AK7: variants seen among roughly 807,000 people sequenced by gnomAD.
AK7 encodes adenylate kinase 7, also known as ATP-AMP transphosphorylase 7.
A neutral mutation model predicts 96.6 loss-of-function variants in AK7; 78 were observed. The ratio of observed to expected loss-of-function variants is 0.81; its 90% CI spans 0.67 to 0.97. The LOEUF (loss-of-function observed/expected upper bound fraction) is 0.97, where lower values mean the gene tolerates loss of function less well. Among genes scored for constraint, AK7 ranks in the 50% least tolerant of loss-of-function variants. AK7 has a pLI of 0.00. For missense variants in AK7, 855 were observed against 887.9 expected (o/e 0.96, Z 0.47); for synonymous variants, 302 against 317.2 (o/e 0.95, Z 0.51).
Position 96,478,559 on chromosome 14 carries a change from A to G in AK7, c.1650A>G (p.Gln550=). The change falls in exon 15 of 18, where the codon CAA becomes CAG. Residue 550 remains glutamine (Q), a synonymous_variant. Transcript: ENST00000267584. The part of the protein sequence containing the change: ...ESIVAGTHYS[Q]DRFLRALSNY... ...TCGTGGCGGGGACCCACTACAGCCA[A>G]GACCGATTCCTCCGGGCTCTGAGCA... 1 of 1,613,194 alleles carries G rather than the reference A, an allele frequency of 6.2e-7. No homozygotes were observed.
At chr14:96,466,212 A>G (rs1295868314) in intron 12 of AK7, among the ~76,000 whole-genome samples, 1 of 150,516 alleles carries the variant, frequency 6.6e-6, no homozygotes, top group Admixed American at 6.6e-5. Flanking sequence ...ATGCCTGGCT[A>G]ATGTTTTTAA....
chr14:96,401,167 A>G (rs1890387196), intron 2 of AK7, among the ~76,000 whole-genome samples: 1 of 152,112 alleles, frequency 6.6e-6, no homozygotes, highest in Non-Finnish European at 1.5e-5. Flanking sequence ...CACCCTAATG[A>G]TCCACAGATG....
chr14:96,415,785 A>ATACATTAATTAATTAAATTAATTTAC (rs1891308628), intron 4 of AK7, among the ~76,000 whole-genome samples: 1 of 149,476 alleles, frequency 6.7e-6, no homozygotes, highest in South Asian at 2.1e-4. Flanking sequence ...AATTAATTTA[A>ATACATTAATTAATTAAATTAATTTAC]TACATTAATT....
intron 11 of AK7, among the ~76,000 whole-genome samples, chr14:96,457,249 C>T (rs1331032344): frequency 2.0e-5 from 3 of 151,584 alleles, no homozygotes; most frequent in East Asian, 3.9e-4. Context: ...TTAGTAGAGA[C>T]GGGGTTTCAC....
At chr14:96,449,057 G>A (rs917222792) in intron 8 of AK7, among the ~76,000 whole-genome samples, 1 of 152,046 alleles carries the variant, frequency 6.6e-6, no homozygotes, top group African/African-American at 2.4e-5. Context: ...TTCTCCGTGC[G>A]TCCTCACATG....
chr14:96,458,101 A>C lies in AK7; in HGVS notation c.1246A>C (p.Asn416His). ...TATGCAGGAGGCGATTGTTGCCCCT[A>C]ACGATGTAGGGGAAGGAGAAGAAGA... ...IAKLEAIVAP[N>H]DVGEGEEEVE... Residue 416 changes from asparagine (N) to histidine (H), a missense_variant, in exon 12 of 18, where the codon AAC becomes CAC. Coordinates refer to ENST00000267584, the MANE Select transcript of AK7 (RefSeq NM_152327.5). The C allele has an allele frequency of 6.2e-7, 1 of 1,613,594 alleles. No homozygotes were observed.
intron 5 of AK7, among the ~76,000 whole-genome samples, chr14:96,437,401 T>C (rs912485880): frequency 3.3e-5 from 5 of 152,288 alleles, no homozygotes; most frequent in African/African-American, 1.2e-4. Context: ...GTTCTTACAG[T>C]GCCTAAACTG....
intron 3 of AK7, among the ~76,000 whole-genome samples, chr14:96,405,339 T>C (rs1047161880): frequency 2.6e-5 from 4 of 151,838 alleles, no homozygotes; most frequent in African/African-American, 9.7e-5. Context: ...TGTGCCACCA[T>C]ACCCCAGCTA....
chr14:96,483,098 A>G lies in AK7; in HGVS notation c.1853A>G (p.Lys618Arg). The G allele has an allele frequency of 6.2e-7, 1 of 1,614,236 alleles. No homozygotes were observed. The highest frequency in any genetic ancestry group is 8.5e-7 in the Non-Finnish European group (1 of 1,180,052). Residue 618 changes from lysine to arginine, a missense_variant, in exon 16 of 18, where the codon AAG becomes AGG. Physicochemically the swap from Lys to Arg is conservative, Grantham distance 26 (BLOSUM62 2). Coordinates refer to ENST00000267584, the MANE Select transcript of AK7 (RefSeq NM_152327.5). ...AATTATGGTTTAACAGACGAAGAAA[A>G]GGCAGAAGAGGAGCGGAAGGCTGCG... ...PRNYGLTDEE[K>R]AEEERKAAEE...
Position 96,442,777 on chromosome 14 carries a change from A to G in AK7, c.738A>G (p.Gly246=), listed in dbSNP as rs1171804222. 2.5e-6 allele frequency: 4 copies of G among 1,614,098 alleles called. No individual in the cohort carries two copies. The highest frequency in any genetic ancestry group is 1.3e-5 in the African/African-American group (1 of 74,940). ...CTGCATTACCAGTTTTTGGCGATGG[A>G]ACAAATGTAATTCCAACAATCCATG... is the stretch of plus-strand genomic sequence containing the variant. The part of the protein sequence containing the change: ...EIPALPVFGD[G]TNVIPTIHVL... The change falls in exon 7 of 18, where the codon GGA becomes GGG. Residue 246 remains glycine (G), a synonymous_variant. Coordinates refer to ENST00000267584, the MANE Select transcript of AK7 (RefSeq NM_152327.5).
At chr14:96,446,164 A>G (rs1893219299) in intron 7 of AK7, among the ~76,000 whole-genome samples, 1 of 146,330 alleles carries the variant, frequency 6.8e-6, no homozygotes, top group Non-Finnish European at 1.5e-5. Flanking sequence ...GGCTTCATAA[A>G]CTGGGGTCCT....
At chr14:96,415,814 CATTA>C (rs1003525178) in intron 4 of AK7, among the ~76,000 whole-genome samples, 1 of 148,834 alleles carries the variant, frequency 6.7e-6, no homozygotes, top group African/African-American at 2.5e-5. Flanking sequence ...TAATTTAATA[CATTA>C]ATTAAATAAT....
chr14:96,404,691 T>G, intron 2 of AK7, 66 bp from the exon 3 acceptor site: 1 of 1,084,402 alleles, frequency 9.2e-7, no homozygotes, highest in East Asian at 2.4e-5. Flanking sequence ...AATTATCATT[T>G]CATTGAAATA....
chr14:96,448,697 T>A lies in AK7; in HGVS notation c.871-1105T>A, dbSNP rs534506218. 1.2e-3 allele frequency among the ~76,000 whole-genome samples: 181 copies of A among 145,832 alleles called. 1 individual carries two copies. The highest frequency in any genetic ancestry group is 2.4e-3 in the Non-Finnish European group (159 of 66,892). ...ATGGCCAGGTGTGGTAACTCACACC[T>A]GTAATCTCAGCACTTTGGGAGGCCC... On this transcript the variant is annotated intron_variant, in intron 8 of 17. Coordinates refer to ENST00000267584, the MANE Select transcript of AK7 (RefSeq NM_152327.5).
intron 4 of AK7, among the ~76,000 whole-genome samples, chr14:96,416,126 G>A (rs1202377245): frequency 1.3e-5 from 2 of 152,178 alleles, no homozygotes; most frequent in Admixed American, 6.5e-5. Flanking sequence ...GCTCATGCCT[G>A]TAATCCTAGC....
chr14:96,460,931 G>C (rs1894218011), intron 12 of AK7, among the ~76,000 whole-genome samples: 1 of 152,182 alleles, frequency 6.6e-6, no homozygotes, highest in South Asian at 2.1e-4. Flanking sequence ...GATCAACCTA[G>C]TTTTCTGGGA....
chr14:96,483,272 T>C (rs1895606410), intron 16 of AK7, 53 bp downstream of exon 16: 3 of 1,536,362 alleles, frequency 2.0e-6, no homozygotes, highest in Middle Eastern at 4.5e-4. Context: ...AGGGGTGCGG[T>C]GCCTGGCAAA....
intron 4 of AK7, among the ~76,000 whole-genome samples, chr14:96,412,921 T>A (rs2140016491): frequency 6.6e-6 from 1 of 152,324 alleles, no homozygotes; most frequent in African/African-American, 2.4e-5. Flanking sequence ...AAAGAGTCAC[T>A]AACATAATAG....
chr14:96,421,137 C>T (rs1049833587), intron 5 of AK7, among the ~76,000 whole-genome samples: 1 of 152,132 alleles, frequency 6.6e-6, no homozygotes, highest in Non-Finnish European at 1.5e-5. Context: ...AGCCATCACC[C>T]ACAAAGGGGT....
Sources: allele counts gnomAD v4.1 joint callset (sites outside exome capture counted in the v4.1 genomes callset), GRCh38; gene constraint gnomAD v4.1.1; transcripts MANE v1.5; gene names NCBI Gene and HGNC (gene_info 2026-07-23, HGNC 2026-07-21).